Variants in EXOC6 observed in about 807,000 individuals in gnomAD.
EXOC6 encodes exocyst complex component 6.
A neutral mutation model predicts 112.5 loss-of-function variants in EXOC6; 60 were observed. The ratio of observed to expected loss-of-function variants is 0.53; its 90% confidence interval spans 0.43 to 0.66. The LOEUF (loss-of-function observed/expected upper bound fraction) is 0.66. Ranked by LOEUF, EXOC6 falls within the 30% of genes least tolerant of loss-of-function variation. EXOC6 has a pLI of 0.00. For synonymous variants in EXOC6, 295 were observed against 308.0 expected (o/e 0.96, Z 0.44); for missense variants, 855 against 957.1 (o/e 0.89, Z 1.41).
chr10:92,875,567 C>G (rs1247785209), intron 1 of EXOC6, among the ~76,000 whole-genome samples: 1 of 152,010 alleles, frequency 6.6e-6, no homozygotes, highest in Admixed American at 6.6e-5. Context: ...AACAGAATGC[C>G]ATGAGTACAA....
intron 1 of EXOC6, among the ~76,000 whole-genome samples, chr10:92,827,855 G>A (rs967381931): frequency 2.0e-5 from 3 of 152,056 alleles, no homozygotes; most frequent in Non-Finnish European, 2.9e-5. Flanking sequence ...GGCTCCACTG[G>A]GTTTGGGAAC....
At chr10:92,831,673 G>A, upstream of EXOC6, among the ~76,000 whole-genome samples, 1 of 152,096 alleles carries the variant, frequency 6.6e-6, no homozygotes, top group East Asian at 1.9e-4. Flanking sequence ...GACCTCAGGT[G>A]ATCCGCCTGC....
At chr10:92,952,155 GT>G (rs1226883340) in intron 14 of EXOC6, 117 bp from the exon 15 acceptor site, 14 of 622,824 alleles carry the variant, frequency 2.2e-5, no homozygotes, top group Non-Finnish European at 8.5e-6. Context: ...ATATAACAGA[GT>G]TTTTGATGCA....
intron 20 of EXOC6, among the ~76,000 whole-genome samples, chr10:93,046,599 CT>C (rs557988271): frequency 2.5e-3 from 354 of 142,454 alleles, no homozygotes; most frequent in Admixed American, 2.5e-3. Context: ...TCATGGTTTC[CT>C]TTTTTTTTTT....
chr10:92,987,574 TC>T (rs1438896992), intron 18 of EXOC6: 1 of 965,334 alleles, frequency 1.0e-6, no homozygotes, highest in Admixed American at 6.2e-5. Context: ...GAATACATTT[TC>T]CTTTTTTATT....
At position 92,837,577 on chromosome 10, in the gene EXOC6, C is replaced by T. The variant is rs907712293; in HGVS notation, c.86+2753C>T. Among the ~76,000 whole-genome samples the T allele has an allele frequency of 3.9e-5, 6 of 152,310 alleles. No homozygotes were observed. The East Asian group carries it at 5.8e-4, about 15-fold the overall frequency. On this transcript the variant is annotated intron_variant, in intron 1 of 21. Coordinates refer to the EXOC6 transcript ENST00000371552. ...ACTCGGGAGGCCAAAGGGGGAGGCTCACTTGAGCCCAGGAAGTCAAGACTG... is the reference window on the plus strand; with the variant it reads ...ACTCGGGAGGCCAAAGGGGGAGGCTTACTTGAGCCCAGGAAGTCAAGACTG...
At chr10:92,934,047 C>A in intron 9 of EXOC6, 97 bp from the exon 10 acceptor site, 1 of 718,294 alleles carries the variant, frequency 1.4e-6, no homozygotes, top group Non-Finnish European at 2.3e-6. Flanking sequence ...AGTAGACTCT[C>A]AATAAATATT....
chr10:92,907,317 G>A (rs1188028460), intron 5 of EXOC6, among the ~76,000 whole-genome samples: 1 of 152,174 alleles, frequency 6.6e-6, no homozygotes, highest in Admixed American at 6.5e-5. Context: ...GAGGAAAGGA[G>A]AACTTATCTC....
chr10:92,966,335 G>A (rs1200155943), intron 17 of EXOC6, among the ~76,000 whole-genome samples: 1 of 148,266 alleles, frequency 6.7e-6, no homozygotes, highest in Admixed American at 6.8e-5. Context: ...TGTGCACAAT[G>A]TGCAGGTTAG....
chr10:92,868,770 G>A (rs1238757369), intron 1 of EXOC6, among the ~76,000 whole-genome samples: 1 of 149,880 alleles, frequency 6.7e-6, no homozygotes, highest in Non-Finnish European at 1.5e-5. Context: ...TTTTAATTGG[G>A]CCCTCCCTTC....
rs748794925 is a variant in EXOC6, at chr10:92,893,338, T to C, written c.102-11T>C. On this transcript the variant is annotated splice_polypyrimidine_tract_variant and intron_variant, in intron 1 of 21. Transcript: ENST00000260762. ...ATTTTGGTTAATTTTAGCTTTCTTA[T>C]ATACATTCAGGTCTGTGTATGATGA... 5 of 1,572,844 alleles carry C rather than the reference T, an allele frequency of 3.2e-6. No individual in the cohort carries two copies. The highest frequency in any genetic ancestry group is 2.3e-5 in the East Asian group (1 of 44,432).
chr10:92,852,643 CATT>C (rs1319770545), intron 1 of EXOC6, among the ~76,000 whole-genome samples: 1 of 152,086 alleles, frequency 6.6e-6, no homozygotes, highest in Non-Finnish European at 1.5e-5. Flanking sequence ...ATCAATGTAA[CATT>C]GTTCACCATA....
rs115101513 is a variant in EXOC6 at position 92,910,286 on chromosome 10, C to T, written c.663+655C>T. ...GTATATTCATACAATGGAATACTAC[C>T]TAGCAATAAAAAGGAATGAATTACT... On this transcript the variant is annotated intron_variant, in intron 6 of 21. Transcript: ENST00000260762. 3.4e-3 allele frequency among the ~76,000 whole-genome samples: 523 copies of T among 152,284 alleles called. 2 individuals are homozygous for T. Among genetic ancestry groups the T allele is most frequent in the African/African-American group, 0.012 (505 of 41,554 alleles).
chr10:92,927,871 C>T (rs1564837387), intron 8 of EXOC6, among the ~76,000 whole-genome samples: 1 of 152,066 alleles, frequency 6.6e-6, no homozygotes, highest in Non-Finnish European at 1.5e-5. Flanking sequence ...CAGAAATAGC[C>T]TGCACAAAAG....
chr10:92,957,760 A>G (rs1325705142), intron 17 of EXOC6, among the ~76,000 whole-genome samples: 2 of 152,140 alleles, frequency 1.3e-5, no homozygotes, highest in Non-Finnish European at 2.9e-5. Flanking sequence ...TGATAAGGGG[A>G]AGCATTTCAA....
intron 1 of EXOC6, among the ~76,000 whole-genome samples, chr10:92,853,711 CT>C (rs1167356043): frequency 6.6e-6 from 1 of 152,136 alleles, no homozygotes; most frequent in Non-Finnish European, 1.5e-5. Context: ...TTGATCCATG[CT>C]TTGCACCATA....
At chr10:92,982,518 A>G (rs1196667202) in intron 18 of EXOC6, among the ~76,000 whole-genome samples, 1 of 144,934 alleles carries the variant, frequency 6.9e-6, no homozygotes, top group Non-Finnish European at 1.5e-5. Context: ...TTCCCCAGAG[A>G]ATCATTGTTA....
intron 5 of EXOC6, 110 bp from the exon 6 acceptor site, chr10:92,909,317 A>G: frequency 1.4e-6 from 1 of 695,358 alleles, no homozygotes; most frequent in South Asian, 2.4e-5. Flanking sequence ...TTTAACTAGG[A>G]CTAGGTCCTT....
At chr10:92,980,680 A>T (rs1195931824) in intron 18 of EXOC6, among the ~76,000 whole-genome samples, 1 of 152,222 alleles carries the variant, frequency 6.6e-6, no homozygotes, top group Non-Finnish European at 1.5e-5. Context: ...GTCAGATGCT[A>T]GCTAATGCCA....
Sources: allele counts gnomAD v4.1 joint callset (sites outside exome capture counted in the v4.1 genomes callset), GRCh38; gene constraint gnomAD v4.1.1; transcripts MANE v1.5; gene names NCBI Gene and HGNC (gene_info 2026-07-23, HGNC 2026-07-21).